SMG9: variants seen among roughly 807,000 people sequenced by gnomAD.
SMG9 encodes the protein nonsense-mediated mRNA decay factor SMG9.
A neutral mutation model predicts 64.0 loss-of-function variants in SMG9; 55 were observed. The observed-to-expected ratio is 0.86, with a 90% CI of 0.69 to 1.08. The LOEUF (loss-of-function observed/expected upper bound fraction) is 1.08, where lower values mean the gene tolerates loss of function less well. SMG9 is among the 50% of genes least tolerant of loss of function. SMG9 has a pLI of 0.00. For missense variants in SMG9, 554 were observed against 681.3 expected (o/e 0.81, Z 2.08); for synonymous variants, 244 against 254.8 (o/e 0.96, Z 0.41).
chr19:43,750,231 T>C (rs1339134828), intron 2 of SMG9: 3 of 535,990 alleles, frequency 5.6e-6, no homozygotes, highest in African/African-American at 3.8e-5. Flanking sequence ...CCCTCCTTCC[T>C]CATCAATTGC....
chr19:43,749,008 A>AT (rs986980907), intron 2 of SMG9, among the ~76,000 whole-genome samples: 3 of 152,082 alleles, frequency 2.0e-5, no homozygotes, highest in Non-Finnish European at 4.4e-5. Flanking sequence ...TGAATTTGGG[A>AT]TTTTTTTGAA....
chr19:43,737,805 T>C, intron 8 of SMG9, 123 bp from the exon 9 acceptor site: 1 of 873,936 alleles, frequency 1.1e-6, no homozygotes, highest in Non-Finnish European at 1.8e-6. Context: ...AGCTACTGTG[T>C]GCCCAGCACT....
In SMG9 at chr19:43,744,785, C is replaced by T; in HGVS notation, c.688G>A (p.Glu230Lys). The change falls in exon 6 of 14, where the codon GAG (glutamate) becomes AAG (lysine). Residue 230 changes from glutamate (E) to lysine (K), a missense_variant. Physicochemically the swap from Glu to Lys is moderately conservative, Grantham distance 56. Transcript: ENST00000270066. ...ATAGCCCCTCACCTCTGGTCCTCCT[C>T]TGGAGTGTTGGCTGACAACAATGAC... Reference protein sequence around the residue: ...VMSLLSANTPEEDQRTYVFRA... With the variant: ...VMSLLSANTPKEDQRTYVFRA... 6.2e-7 allele frequency: 1 copy of T among 1,613,752 alleles called. No homozygotes were observed.
At chr19:43,744,032 T>C (rs1316445827) in intron 6 of SMG9, among the ~76,000 whole-genome samples, 2 of 152,198 alleles carry the variant, frequency 1.3e-5, no homozygotes, top group Non-Finnish European at 2.9e-5. Context: ...CCCAAATTCC[T>C]ACATTTTTCC....
Position 43,728,933 on chromosome 19 carries a change from C to T in SMG9, c.*2663G>A, listed in dbSNP as rs1324380967. ...GGACTGGAGAGCCACAAGCAGCAGG[C>T]ATTCCTGGTGGCCAGGCCCATCTTG... On this transcript the variant is annotated 3_prime_UTR_variant, in exon 14 of 14. Transcript: ENST00000270066. The T allele has an allele frequency of 4.2e-6, 4 of 960,748 alleles. No individual in the cohort carries two copies. Among genetic ancestry groups the T allele is most frequent in the East Asian group, 1.1e-4 (1 of 8,716 alleles). The allele number at this position is 960,748 out of a possible 1,614,324, so 59.5% of individuals were successfully genotyped here. A position where few individuals can be genotyped will look rare whatever the true frequency, so the allele number is the denominator to read the frequency against.
rs1568383123 is a variant in SMG9, at chr19:43,750,764, GGGATTT to G, written c.-6-23_-6-18del. The stretch of plus-strand genomic sequence containing the variant: ...CATGGTTACCTATGGAGGGAATGAG[GGGATTT>G]CAGGATGACAGAGTCTCTTCCTACT... On this transcript the variant is annotated intron_variant, in intron 1 of 13. Coordinates refer to ENST00000270066, the MANE Select transcript of SMG9 (RefSeq NM_019108.4). 1 of 1,592,836 alleles carries G rather than the reference GGGATTT, an allele frequency of 6.3e-7. No homozygotes were observed. The highest frequency in any genetic ancestry group is 1.1e-5 in the South Asian group (1 of 89,126).
rs770753492 is a variant in SMG9 at position 43,733,471 on chromosome 19, C to T, written c.1211-19G>A. On this transcript the variant is annotated intron_variant, in intron 11 of 13. Transcript: ENST00000270066. Reference sequence around the variant, plus strand: ...AGAGTTCCTGGAGGAGAAAACGCTTCAGCCTTCAGGTACCATGTTGTGGGT... The same window carrying T: ...AGAGTTCCTGGAGGAGAAAACGCTTTAGCCTTCAGGTACCATGTTGTGGGT... 4.3e-6 allele frequency: 7 copies of T among 1,613,612 alleles called. No individual in the cohort carries two copies. Among genetic ancestry groups the T allele is most frequent in the African/African-American group, 1.3e-5 (1 of 74,912 alleles).
Position 43,732,853 on chromosome 19 carries a change from C to A in SMG9, c.1484+5G>T. 1 of 1,613,854 alleles carries A rather than the reference C, an allele frequency of 6.2e-7. No homozygotes were observed. The highest frequency in any genetic ancestry group is 2.2e-5 in the East Asian group (1 of 44,868). On this transcript the variant is annotated splice_donor_5th_base_variant and intron_variant, in intron 13 of 13. Coordinates refer to ENST00000270066, the MANE Select transcript of SMG9 (RefSeq NM_019108.4). ...AAATTGACCCCCTCTGCAAAGAGCT[C>A]TTACCAGTTCTTCTCGGTGAGGATC...
intron 6 of SMG9, 81 bp from the exon 7 acceptor site, chr19:43,740,299 G>A (rs1568376634): frequency 6.9e-6 from 7 of 1,014,092 alleles, no homozygotes; most frequent in Non-Finnish European, 9.4e-6. Context: ...CCTGTGAGCT[G>A]AGCATGTGAG....
At chr19:43,738,378 G>C (rs1328057806) in intron 7 of SMG9, among the ~76,000 whole-genome samples, 161 bp from the exon 8 acceptor site, 1 of 152,146 alleles carries the variant, frequency 6.6e-6, no homozygotes, top group Non-Finnish European at 1.5e-5. Context: ...ACTCAAAGCT[G>C]ATACACTTTT....
At chr19:43,734,353 C>G in intron 10 of SMG9, 36 bp downstream of exon 10, 1 of 1,510,746 alleles carries the variant, frequency 6.6e-7, no homozygotes, top group Non-Finnish European at 9.0e-7. Context: ...CATTTTTCCT[C>G]CTGCCCACCC....
At chr19:43,736,469 T>C (rs1968669755) in intron 9 of SMG9, among the ~76,000 whole-genome samples, 2 of 152,182 alleles carry the variant, frequency 1.3e-5, no homozygotes, top group Non-Finnish European at 1.5e-5. Context: ...CTTGTGGCCA[T>C]AGGTTCTGAG....
chr19:43,732,650 T>C (rs1320108229), intron 13 of SMG9: 1 of 613,306 alleles, frequency 1.6e-6, no homozygotes, highest in Non-Finnish European at 2.8e-6. Flanking sequence ...TGCTGGCTGA[T>C]TAGGAGGATT....
chr19:43,747,611 G>C, intron 4 of SMG9, 22 bp downstream of exon 4: 1 of 1,614,040 alleles, frequency 6.2e-7, no homozygotes, highest in Non-Finnish European at 8.5e-7. Context: ...TCCCAACCTG[G>C]TACTGCCCAG....
chr19:43,735,743 G>C (rs549444479), intron 9 of SMG9, among the ~76,000 whole-genome samples: 1 of 152,070 alleles, frequency 6.6e-6, no homozygotes, highest in South Asian at 2.1e-4. Context: ...AAGGGATAAT[G>C]GGATTGCTAA....
intron 2 of SMG9, 118 bp from the exon 3 acceptor site, chr19:43,748,170 C>T (rs1361123185): frequency 1.7e-6 from 2 of 1,199,484 alleles, no homozygotes; most frequent in African/African-American, 1.5e-5. Context: ...TACCAACAGC[C>T]CTGTGAGATA....
At chr19:43,750,119 T>G (rs982793067) in intron 2 of SMG9, 1 of 520,432 alleles carries the variant, frequency 1.9e-6, no homozygotes, top group Non-Finnish European at 3.8e-6. Context: ...GCTCAAACTC[T>G]CCAATGCCAA....
At chr19:43,737,947 A>G (rs910317315) in intron 8 of SMG9, 175 bp downstream of exon 8, 4 of 690,072 alleles carry the variant, frequency 5.8e-6, no homozygotes, top group Non-Finnish European at 1.0e-5. Flanking sequence ...GGGCAGAGCC[A>G]GGAGTTGAGC....
At chr19:43,734,216 G>A in intron 10 of SMG9, 173 bp downstream of exon 10, 1 of 606,004 alleles carries the variant, frequency 1.7e-6, no homozygotes, top group Admixed American at 2.8e-5. Flanking sequence ...AGGGCAGTGG[G>A]AACTTGGAAG....
Sources: allele counts gnomAD v4.1 joint callset (sites outside exome capture counted in the v4.1 genomes callset), GRCh38; gene constraint gnomAD v4.1.1; transcripts MANE v1.5; gene names NCBI Gene and HGNC (gene_info 2026-07-23, HGNC 2026-07-21).